Variants in GLP2R observed in about 807,000 individuals in gnomAD.
GLP2R encodes glucagon-like peptide 2 receptor.
GLP2R carries 59 observed loss-of-function variants against 68.2 expected under a neutral mutation model. The ratio of observed to expected loss-of-function variants is 0.87; its 90% CI spans 0.70 to 1.07. The LOEUF (loss-of-function observed/expected upper bound fraction) is 1.07, where lower values mean the gene tolerates loss of function less well. Among genes scored for constraint, GLP2R ranks in the 50% least tolerant of loss-of-function variants. The pLI is 0.00. For synonymous variants in GLP2R, 270 were observed against 265.4 expected (o/e 1.02, Z -0.17); for missense variants, 548 against 677.4 (o/e 0.81, Z 2.12).
In GLP2R at chr17:9,859,636, A is replaced by T. The variant is rs200645653; in HGVS notation, c.766-306A>T. On this transcript the variant is annotated intron_variant, in intron 6 of 12. Coordinates refer to ENST00000262441, the MANE Select transcript of GLP2R (RefSeq NM_004246.3). The stretch of plus-strand genomic sequence containing the variant: ...TGAAACCCTGTGTCTACTAAAAAAA[A>T]ATATATATATATATATACATACATA... 4.1e-3 allele frequency among the ~76,000 whole-genome samples: 584 copies of T among 143,090 alleles called. 4 individuals carry two copies. The highest frequency in any genetic ancestry group is 0.011 in the Middle Eastern group (3 of 280). 93.9% of individuals were successfully genotyped at this position (143,090 alleles called of 152,430 possible).
In GLP2R at chr17:9,889,783, C is replaced by T. The variant is rs1170471898; in HGVS notation, c.*78C>T. On this transcript the variant is annotated 3_prime_UTR_variant, in exon 13 of 13. Coordinates refer to ENST00000262441, the MANE Select transcript of GLP2R (RefSeq NM_004246.3). ...GGAAGAGGAAGCAAAGCAGGACACA[C>T]GTTGCTGGGCACGGAATCATTCTCG... The T allele has an allele frequency of 1.2e-5, 10 of 838,316 alleles. No homozygotes were observed. Among genetic ancestry groups the T allele is most frequent in the African/African-American group, 6.9e-5 (4 of 58,342 alleles). 51.9% of individuals were successfully genotyped at this position (838,316 alleles called of 1,614,324 possible).
chr17:9,841,462 G>C (rs2066786403), intron 3 of GLP2R, among the ~76,000 whole-genome samples: 2 of 152,292 alleles, frequency 1.3e-5, no homozygotes, highest in Admixed American at 1.3e-4. Flanking sequence ...AGGTGAAAGT[G>C]GCAGTCAGAT....
chr17:9,833,800 T>G lies in GLP2R; in HGVS notation c.190-7T>G. Reference sequence around the variant, plus strand: ...CACTGGGGGTGACCATGTTTTTGTTTGCTCAGGTTACAGGATCCCTCCTTG... The same window carrying G: ...CACTGGGGGTGACCATGTTTTTGTTGGCTCAGGTTACAGGATCCCTCCTTG... On this transcript the variant is annotated splice_polypyrimidine_tract_variant and splice_region_variant and intron_variant, in intron 1 of 12. Transcript: ENST00000262441. 1 of 1,593,322 alleles carries G rather than the reference T, an allele frequency of 6.3e-7. No homozygotes were observed. The highest frequency in any genetic ancestry group is 8.6e-7 in the Non-Finnish European group (1 of 1,164,888).
chr17:9,835,252 C>A (rs773189139), intron 2 of GLP2R, among the ~76,000 whole-genome samples: 1 of 152,068 alleles, frequency 6.6e-6, no homozygotes, highest in Non-Finnish European at 1.5e-5. Context: ...TGGTCTCGAT[C>A]CCCTGACCTC....
At chr17:9,843,345 C>T (rs1266540302) in intron 4 of GLP2R, among the ~76,000 whole-genome samples, 1 of 152,256 alleles carries the variant, frequency 6.6e-6, no homozygotes, top group Non-Finnish European at 1.5e-5. Flanking sequence ...GGCTGTGAAC[C>T]TGGTGCAAGT....
In GLP2R at chr17:9,890,694, C is replaced by T. The variant is rs2067283734; in HGVS notation, c.*989C>T. ...TGTCCCAGGAAGTTGACCTATAACT[C>T]TCCATGGCCAGAGTCCCTGCTGATC... On this transcript the variant is annotated 3_prime_UTR_variant, in exon 13 of 13. Coordinates refer to ENST00000262441, the MANE Select transcript of GLP2R (RefSeq NM_004246.3). The T allele has an allele frequency of 6.6e-6, 1 of 152,346 alleles. No homozygotes were observed. 9.4% of individuals were successfully genotyped at this position (152,346 alleles called of 1,614,324 possible).
intron 9 of GLP2R, among the ~76,000 whole-genome samples, chr17:9,862,553 A>G (rs981602977): frequency 6.6e-6 from 1 of 152,178 alleles, no homozygotes; most frequent in African/African-American, 2.4e-5. Context: ...CAAGACATAG[A>G]TGCTACTCTG....
intron 1 of GLP2R, 46 bp downstream of exon 1, chr17:9,826,298 ATT>A: frequency 7.1e-7 from 1 of 1,411,158 alleles, no homozygotes; most frequent in Non-Finnish European, 9.4e-7. Flanking sequence ...GTATTTCCTG[ATT>A]TTTTTTTAAA....
intron 4 of GLP2R, among the ~76,000 whole-genome samples, chr17:9,854,223 G>A (rs2066915797): frequency 6.6e-6 from 1 of 152,188 alleles, no homozygotes; most frequent in Non-Finnish European, 1.5e-5. Flanking sequence ...TGATATTGTG[G>A]CTCTTGGTGT....
In GLP2R at chr17:9,889,996, C is replaced by A; in HGVS notation, c.*291C>A. 1 of 518,446 alleles carries A rather than the reference C, an allele frequency of 1.9e-6. No individual in the cohort carries two copies. Among genetic ancestry groups the A allele is most frequent in the Non-Finnish European group, 3.7e-6 (1 of 267,980 alleles). The allele number at this position is 518,446 out of a possible 1,614,324, so 32.1% of individuals were successfully genotyped here. A position where few individuals can be genotyped will look rare whatever the true frequency, so the allele number is the denominator to read the frequency against. On this transcript the variant is annotated 3_prime_UTR_variant, in exon 13 of 13. Transcript: ENST00000262441. ...CTCTAAATTCAAGCCAATGAAGTCC[C>A]ACCATGAAGAGAGGTCTCCTGTTAT... is the stretch of plus-strand genomic sequence containing the variant.
At chr17:9,836,572 A>G (rs1054376883) in intron 3 of GLP2R, 97 bp downstream of exon 3, 8 of 687,568 alleles carry the variant, frequency 1.2e-5, no homozygotes, top group South Asian at 1.7e-5. Context: ...TCAGTAATAC[A>G]TCTTCCTTCT....
At chr17:9,877,295 A>G (rs2067149373) in intron 10 of GLP2R, among the ~76,000 whole-genome samples, 1 of 152,224 alleles carries the variant, frequency 6.6e-6, no homozygotes, top group Admixed American at 6.5e-5. Flanking sequence ...TGCTATTGCT[A>G]TTTATGGATT....
intron 8 of GLP2R, 60 bp from the exon 9 acceptor site, chr17:9,861,961 G>T: frequency 8.5e-7 from 1 of 1,170,622 alleles, no homozygotes; most frequent in South Asian, 1.2e-5. Context: ...ATGAGGCTTT[G>T]ACTTTCAACC....
rs866742725 is a variant in GLP2R, at chr17:9,889,776, G to A, written c.*71G>A. 1 of 923,838 alleles carries A rather than the reference G, an allele frequency of 1.1e-6. No homozygotes were observed. 57.2% of individuals were successfully genotyped at this position (923,838 alleles called of 1,614,324 possible). On this transcript the variant is annotated 3_prime_UTR_variant, in exon 13 of 13. Coordinates refer to ENST00000262441, the MANE Select transcript of GLP2R (RefSeq NM_004246.3). ...GGGCCCAGGAAGAGGAAGCAAAGCA[G>A]GACACACGTTGCTGGGCACGGAATC...
At chr17:9,872,660 A>G (rs1240862175) in intron 10 of GLP2R, among the ~76,000 whole-genome samples, 1 of 152,190 alleles carries the variant, frequency 6.6e-6, no homozygotes, top group East Asian at 1.9e-4. Flanking sequence ...AAGGACTAGG[A>G]TGTTGGCATG....
chr17:9,860,130 C>T, intron 7 of GLP2R, 29 bp downstream of exon 7: 1 of 1,546,554 alleles, frequency 6.5e-7, no homozygotes, highest in Non-Finnish European at 8.7e-7. Flanking sequence ...AGCTTCCTTT[C>T]CTGGGGATCC....
Position 9,833,804 on chromosome 17 carries a change from C to T in GLP2R, c.190-3C>T. 1.3e-6 allele frequency: 2 copies of T among 1,597,672 alleles called. No homozygotes were observed. The highest frequency in any genetic ancestry group is 1.7e-6 in the Non-Finnish European group (2 of 1,168,690). On this transcript the variant is annotated splice_polypyrimidine_tract_variant and splice_region_variant and intron_variant, in intron 1 of 12. Transcript: ENST00000262441. ...GGGGGTGACCATGTTTTTGTTTGCT[C>T]AGGTTACAGGATCCCTCCTTGAGGA...
chr17:9,889,233 G>A lies in GLP2R; in HGVS notation c.1327-137G>A. On this transcript the variant is annotated intron_variant, in intron 12 of 12. Coordinates refer to ENST00000262441, the MANE Select transcript of GLP2R (RefSeq NM_004246.3). ...CCACCAGACATGTTTATGTATCTTT[G>A]TTTCTCCTTGTCTCCCCCAGTTAAA... The A allele has an allele frequency of 4.9e-6, 3 of 617,036 alleles. 1 individual carries two copies. In the South Asian group the frequency reaches 5.9e-5, roughly 12 times the overall value. The allele number at this position is 617,036 out of a possible 1,614,324, so 38.2% of individuals were successfully genotyped here. A position where few individuals can be genotyped will look rare whatever the true frequency, so the allele number is the denominator to read the frequency against.
At chr17:9,872,403 C>A (rs1597398221) in intron 10 of GLP2R, among the ~76,000 whole-genome samples, 1 of 152,246 alleles carries the variant, frequency 6.6e-6, no homozygotes, top group Non-Finnish European at 1.5e-5. Context: ...ATGGCAAAAC[C>A]CTGTCTCTAC....
Sources: gnomAD v4.1 joint callset for allele counts (sites outside exome capture counted in the v4.1 genomes callset) on GRCh38, gnomAD v4.1.1 for gene constraint, MANE v1.5 for transcripts, NCBI Gene and HGNC (gene_info 2026-07-23, HGNC 2026-07-21) for gene names.